LRRC7: variants seen among roughly 807,000 people sequenced by gnomAD.
LRRC7 encodes leucine-rich repeat-containing protein 7.
A neutral mutation model predicts 175.7 loss-of-function variants in LRRC7; 23 were observed. The ratio of observed to expected loss-of-function variants is 0.13; its 90% confidence interval spans 0.09 to 0.19. The LOEUF is 0.19. LRRC7 is among the 10% of genes least tolerant of loss of function. The pLI is 1.00. For missense variants in LRRC7, 1,354 were observed against 1,904.7 expected (o/e 0.71, Z 5.38); for synonymous variants, 685 against 680.9 (o/e 1.01, Z -0.09).
At chr1:69,984,074 C>T (rs1443622807) in intron 9 of LRRC7, among the ~76,000 whole-genome samples, 1 of 151,976 alleles carries the variant, frequency 6.6e-6, no homozygotes, top group Non-Finnish European at 1.5e-5. Flanking sequence ...TACAGGTGCC[C>T]GCCACCATAG....
At chr1:69,709,934 G>A (rs1333006248) in intron 2 of LRRC7, among the ~76,000 whole-genome samples, 1 of 152,098 alleles carries the variant, frequency 6.6e-6, no homozygotes, top group Non-Finnish European at 1.5e-5. Context: ...ATGGATATAT[G>A]AAGCAAGACT....
At chr1:70,034,937 T>A (rs1222143482) in intron 18 of LRRC7, among the ~76,000 whole-genome samples, 1 of 152,172 alleles carries the variant, frequency 6.6e-6, no homozygotes, top group African/African-American at 2.4e-5. Context: ...GACCTGAGCA[T>A]GTCACTATGG....
chr1:69,967,071 C>T (rs1045122955), intron 8 of LRRC7, among the ~76,000 whole-genome samples: 3 of 152,156 alleles, frequency 2.0e-5, no homozygotes, highest in Admixed American at 6.5e-5. Context: ...CAGCCCTGCT[C>T]GCCCACTGCC....
chr1:69,958,652 G>A (rs149836694), intron 8 of LRRC7, among the ~76,000 whole-genome samples: 1 of 152,092 alleles, frequency 6.6e-6, no homozygotes, highest in East Asian at 1.9e-4. Flanking sequence ...ATCTCAGATG[G>A]ACAGGAAGGA....
intron 7 of LRRC7, among the ~76,000 whole-genome samples, chr1:69,929,064 C>T (rs1647186047): frequency 6.6e-6 from 1 of 152,098 alleles, no homozygotes; most frequent in South Asian, 2.1e-4. Flanking sequence ...TCTTCATATC[C>T]ATTCAGACCT....
At chr1:69,699,482 GT>G (rs1663060999) in intron 2 of LRRC7, among the ~76,000 whole-genome samples, 1 of 152,134 alleles carries the variant, frequency 6.6e-6, no homozygotes, top group South Asian at 2.1e-4. Context: ...AGAGGTTGCA[GT>G]GAGCCAAGAT....
At chr1:69,814,917 T>C (rs953524809) in intron 4 of LRRC7, among the ~76,000 whole-genome samples, 2 of 152,200 alleles carry the variant, frequency 1.3e-5, no homozygotes, top group African/African-American at 2.4e-5. Context: ...TTCCTGAATT[T>C]AATGTTTGTT....
In LRRC7 at chr1:69,908,338, C is replaced by G. The variant is rs545904181; in HGVS notation, c.648-23169C>G. Among the ~76,000 whole-genome samples, 834 of 152,040 alleles carry G rather than the reference C, an allele frequency of 5.5e-3. 4 individuals carry two copies. Among genetic ancestry groups the G allele is most frequent in the Non-Finnish European group, 8.4e-3 (574 of 68,000 alleles). On this transcript the variant is annotated intron_variant, in intron 7 of 26. Coordinates refer to ENST00000651989, the MANE Select transcript of LRRC7 (RefSeq NM_001370785.2). Reference sequence around the variant, plus strand: ...TGTGTTTGCTCTTGCTTTTCTAGTTCTTTTAATTGTGATGTTAGGGTGTCA... The same window carrying G: ...TGTGTTTGCTCTTGCTTTTCTAGTTGTTTTAATTGTGATGTTAGGGTGTCA...
At chr1:69,717,187 T>C (rs1796963) in intron 2 of LRRC7, among the ~76,000 whole-genome samples, 101,530 of 151,286 alleles carry the variant, frequency 0.67, 34,737 homozygotes, top group African/African-American at 0.8. Flanking sequence ...AAAATGATGG[T>C]AGTATCCATA....
At chr1:69,753,674 ATATTT>A (rs1229204880) in intron 2 of LRRC7, among the ~76,000 whole-genome samples, 1 of 152,060 alleles carries the variant, frequency 6.6e-6, no homozygotes, top group Non-Finnish European at 1.5e-5. Flanking sequence ...TATACAGGTA[ATATTT>A]TAATATATCT....
intron 7 of LRRC7, among the ~76,000 whole-genome samples, chr1:69,922,082 T>A (rs1646907103): frequency 7.1e-6 from 1 of 141,460 alleles, no homozygotes. Flanking sequence ...CCTGCCATCA[T>A]GCCTGGCTAA....
At chr1:69,812,917 G>A (rs943323670) in intron 4 of LRRC7, among the ~76,000 whole-genome samples, 5 of 152,210 alleles carry the variant, frequency 3.3e-5, no homozygotes, top group African/African-American at 1.2e-4. Context: ...ATGCGAAACT[G>A]TAACTAGATG....
chr1:70,055,966 G>A (rs1365650908), intron 23 of LRRC7, among the ~76,000 whole-genome samples: 5 of 152,198 alleles, frequency 3.3e-5, no homozygotes, highest in Admixed American at 6.5e-5. Flanking sequence ...TGATACCCAA[G>A]CTTCTAATGT....
intron 25 of LRRC7, among the ~76,000 whole-genome samples, chr1:70,092,141 T>C (rs1664075210): frequency 6.6e-6 from 1 of 152,128 alleles, no homozygotes; most frequent in Non-Finnish European, 1.5e-5. Context: ...CTGAAAGTGT[T>C]GCATAAAATT....
chr1:70,131,396 C>T lies in LRRC7; in HGVS notation c.*9509C>T, dbSNP rs183949694. On this transcript the variant is annotated 3_prime_UTR_variant, in exon 27 of 27. Transcript: ENST00000651989. ...TATTACCTCATGGGACCTTAATTTCCTTTCAAGTAAAACATTTCTGTCCTA... is the reference window on the plus strand; with the variant it reads ...TATTACCTCATGGGACCTTAATTTCTTTTCAAGTAAAACATTTCTGTCCTA... 6.6e-6 allele frequency among the ~76,000 whole-genome samples: 1 copy of T among 152,192 alleles called. No individual in the cohort carries two copies. The highest frequency in any genetic ancestry group is 1.5e-5 in the Non-Finnish European group (1 of 68,034).
rs182587685 is a variant in LRRC7 at position 69,956,918 on chromosome 1, A to T, written c.712-23461A>T. ...ACGAGATTTTATTGCTCTACGTAAC[A>T]TTACTATGCAGTGAAGTCAAGTAGG... is the stretch of plus-strand genomic sequence containing the variant. On this transcript the variant is annotated intron_variant, in intron 8 of 26. Coordinates refer to ENST00000651989, the MANE Select transcript of LRRC7 (RefSeq NM_001370785.2). Among the ~76,000 whole-genome samples the T allele has an allele frequency of 1.2e-3, 188 of 151,856 alleles. 1 individual carries two copies. Among genetic ancestry groups the T allele is most frequent in the African/African-American group, 4.0e-3 (167 of 41,526 alleles).
intron 7 of LRRC7, among the ~76,000 whole-genome samples, chr1:69,867,724 A>T (rs1685095808): frequency 6.6e-6 from 1 of 152,148 alleles, no homozygotes; most frequent in Non-Finnish European, 1.5e-5. Context: ...GTTTGAATTG[A>T]GAAAGGTTGT....
chr1:70,113,552 G>A (rs1665654521), intron 26 of LRRC7, among the ~76,000 whole-genome samples: 2 of 152,074 alleles, frequency 1.3e-5, no homozygotes, highest in African/African-American at 4.8e-5. Context: ...TTTTAAAAGC[G>A]AGAAACAGAA....
At chr1:70,063,900 T>C (rs1661771392) in intron 23 of LRRC7, among the ~76,000 whole-genome samples, 1 of 152,008 alleles carries the variant, frequency 6.6e-6, no homozygotes, top group Non-Finnish European at 1.5e-5. Flanking sequence ...GAGAATGTAC[T>C]TATAGAGATT....
Sources: gnomAD v4.1 joint callset for allele counts (sites outside exome capture counted in the v4.1 genomes callset) on GRCh38, gnomAD v4.1.1 for gene constraint, MANE v1.5 for transcripts, NCBI Gene and HGNC (gene_info 2026-07-23, HGNC 2026-07-21) for gene names.